NRG4: variants seen among roughly 807,000 people sequenced by gnomAD.
The protein encoded by NRG4 is neuregulin 4, also known as pro-neuregulin-4, membrane-bound isoform.
A neutral mutation model predicts 15.0 loss-of-function variants in NRG4; 10 were observed. The observed-to-expected ratio is 0.67, with a 90% CI of 0.41 to 1.13. The LOEUF (loss-of-function observed/expected upper bound fraction) is 1.13, where lower values mean the gene tolerates loss of function less well. Ranked by LOEUF, NRG4 falls within the 50% of genes most tolerant of loss-of-function variation. The pLI, the probability that NRG4 is intolerant of heterozygous loss-of-function variation, is 0.00. For missense variants in NRG4, 139 were observed against 140.2 expected (o/e 0.99, Z 0.04); for synonymous variants, 41 against 50.1 (o/e 0.82, Z 0.77).
intron 5 of NRG4, among the ~76,000 whole-genome samples, chr15:75,945,336 C>T (rs1013380938): frequency 6.6e-6 from 1 of 151,462 alleles, no homozygotes. Flanking sequence ...TCACTGCAAC[C>T]TCCGCTCGGG....
downstream of NRG4, chr15:75,940,125 T>C (rs10444857): frequency 2.7e-5 from 3 of 112,334 alleles, no homozygotes; most frequent in Non-Finnish European, 5.8e-5. Flanking sequence ...AAAAAAAAAA[T>C]AACTGTTAAT....
chr15:76,033,321 C>G (rs777847743), intron 5 of NRG4, among the ~76,000 whole-genome samples: 4 of 152,066 alleles, frequency 2.6e-5, no homozygotes, highest in East Asian at 1.9e-4. Context: ...ATTAGGGGAC[C>G]AAGGCAGGAA....
intron 5 of NRG4, among the ~76,000 whole-genome samples, chr15:76,024,113 G>T (rs555717293): frequency 6.6e-6 from 1 of 152,206 alleles, no homozygotes; most frequent in Non-Finnish European, 1.5e-5. Context: ...GCTACTCCTA[G>T]CTCACCTGCC....
intron 3 of NRG4, among the ~76,000 whole-genome samples, chr15:75,970,375 C>T (rs562487959): frequency 4.6e-5 from 7 of 152,362 alleles, no homozygotes; most frequent in African/African-American, 1.4e-4. Flanking sequence ...GTTTGTACTC[C>T]TAAACTGCTT....
chr15:75,993,530 A>G (rs1175359650), intron 3 of NRG4, among the ~76,000 whole-genome samples: 2 of 151,194 alleles, frequency 1.3e-5, no homozygotes, highest in African/African-American at 4.9e-5. Flanking sequence ...TGAAACCTCG[A>G]CTCTACTAAA....
intron 3 of NRG4, among the ~76,000 whole-genome samples, chr15:75,997,821 G>A (rs1448074518): frequency 6.6e-6 from 1 of 152,104 alleles, no homozygotes; most frequent in Admixed American, 6.6e-5. Context: ...TCAGGAGTTG[G>A]TTTTTCAGGG....
At chr15:75,958,766 T>A (rs2032368616) in intron 4 of NRG4, among the ~76,000 whole-genome samples, 1 of 152,166 alleles carries the variant, frequency 6.6e-6, no homozygotes, top group South Asian at 2.1e-4. Flanking sequence ...TTTAGCCTGC[T>A]ACAGGGTACT....
chr15:76,016,147 G>T (rs1455553769), upstream of NRG4, among the ~76,000 whole-genome samples: 2 of 152,068 alleles, frequency 1.3e-5, no homozygotes, highest in Non-Finnish European at 2.9e-5. Context: ...GGTGTTTATG[G>T]TATTCTCTGA....
chr15:76,016,739 T>C (rs334944), upstream of NRG4, among the ~76,000 whole-genome samples: 10,201 of 152,122 alleles, frequency 0.067, 1,093 homozygotes, highest in African/African-American at 0.23. Flanking sequence ...TGCTGAGGAG[T>C]ATTTTACTTC....
chr15:75,948,987 G>T (rs2031711476), intron 5 of NRG4, among the ~76,000 whole-genome samples: 1 of 152,162 alleles, frequency 6.6e-6, no homozygotes, highest in African/African-American at 2.4e-5. Flanking sequence ...GGAGCTCAAG[G>T]TTGCAGTGAG....
At chr15:75,945,776 G>A (rs1467301657) in intron 5 of NRG4, 3 of 152,084 alleles carry the variant, frequency 2.0e-5, no homozygotes, top group Non-Finnish European at 2.9e-5. Flanking sequence ...CCATTTTTAA[G>A]TTCAGTAGCA....
At chr15:76,021,922 T>C (rs1360287946) in intron 5 of NRG4, among the ~76,000 whole-genome samples, 3 of 152,204 alleles carry the variant, frequency 2.0e-5, no homozygotes, top group Admixed American at 2.0e-4. Flanking sequence ...TGGCGGATGG[T>C]TTCAGGTTGA....
intron 5 of NRG4, among the ~76,000 whole-genome samples, chr15:75,955,247 CTCTTAGCTCCA>C (rs1031155512): frequency 6.6e-6 from 1 of 152,076 alleles, no homozygotes; most frequent in Non-Finnish European, 1.5e-5. Flanking sequence ...TCTTTTTGGA[CTCTTAGCTCCA>C]TCTTCTCAAC....
chr15:76,009,309 A>G lies in NRG4; in HGVS notation c.11-16T>C. ...TCTTCGTGATCTAGAACACATACAT[A>G]TATAAAATAGAGAAAAGCAAATTAA... On this transcript the variant is annotated splice_polypyrimidine_tract_variant and intron_variant, in intron 2 of 5. Coordinates refer to ENST00000394907, the MANE Select transcript of NRG4 (RefSeq NM_138573.4). 1 of 1,342,424 alleles carries G rather than the reference A, an allele frequency of 7.4e-7. No homozygotes were observed. The highest frequency in any genetic ancestry group is 1.0e-6 in the Non-Finnish European group (1 of 975,192). 83.2% of individuals were successfully genotyped at this position (1,342,424 alleles called of 1,614,324 possible). A position where few individuals can be genotyped will look rare whatever the true frequency, so the allele number is the denominator to read the frequency against.
chr15:75,940,558 T>C (rs760796924), downstream of NRG4: 6 of 150,794 alleles, frequency 4.0e-5, no homozygotes, highest in Non-Finnish European at 7.4e-5. Context: ...GAAGAACAAA[T>C]TGGAGGACTT....
chr15:76,026,262 A>C (rs964782397), intron 5 of NRG4, among the ~76,000 whole-genome samples: 14 of 152,240 alleles, frequency 9.2e-5, no homozygotes, highest in Admixed American at 5.9e-4. Flanking sequence ...AATTATCAAA[A>C]GTCAAAGACA....
chr15:76,021,503 A>G (rs2035153845), intron 5 of NRG4, among the ~76,000 whole-genome samples: 1 of 152,192 alleles, frequency 6.6e-6, no homozygotes, highest in Non-Finnish European at 1.5e-5. Context: ...TGAAACCAAA[A>G]CCTGCAATAT....
chr15:76,043,168 T>C (rs1436476103), intron 4 of NRG4, among the ~76,000 whole-genome samples: 1 of 152,134 alleles, frequency 6.6e-6, no homozygotes, highest in East Asian at 1.9e-4. Context: ...ATAAAAGCTA[T>C]ATATGACAGA....
upstream of NRG4, among the ~76,000 whole-genome samples, chr15:76,016,229 TTTCTTTTC>T (rs2034971603): frequency 2.6e-5 from 4 of 152,330 alleles, no homozygotes; most frequent in South Asian, 8.3e-4. Context: ...TATTTGATTC[TTTCTTTTC>T]TTCTTTATTA....
Sources: allele counts gnomAD v4.1 joint callset (sites outside exome capture counted in the v4.1 genomes callset), GRCh38; gene constraint gnomAD v4.1.1; transcripts MANE v1.5; gene names NCBI Gene and HGNC (gene_info 2026-07-23, HGNC 2026-07-21).